The following MAN2A1 variants were observed in gnomAD, a reference collection of about 807,000 sequenced individuals.
MAN2A1 encodes alpha-mannosidase 2.
A neutral mutation model predicts 142.6 loss-of-function variants in MAN2A1; 76 were observed. The observed-to-expected ratio is 0.53, with a 90% CI of 0.44 to 0.65. The LOEUF is 0.65. Ranked by LOEUF, MAN2A1 falls within the 30% of genes least tolerant of loss-of-function variation. MAN2A1 has a pLI of 0.00. For missense variants in MAN2A1, 1,311 were observed against 1,365.1 expected (o/e 0.96, Z 0.62); for synonymous variants, 559 against 473.2 (o/e 1.18, Z -2.35).
chr5:109,789,996 T>G (rs1188469360), intron 12 of MAN2A1, among the ~76,000 whole-genome samples: 2 of 151,918 alleles, frequency 1.3e-5, no homozygotes. Flanking sequence ...GTTTTAGCAC[T>G]ATTGATTTAT....
chr5:109,768,818 A>G (rs1384646787), intron 6 of MAN2A1, among the ~76,000 whole-genome samples: 1 of 152,216 alleles, frequency 6.6e-6, no homozygotes, highest in African/African-American at 2.4e-5. Flanking sequence ...GTTTGATCAA[A>G]TGCTAAGGAG....
chr5:109,788,728 G>A (rs1239615843), intron 10 of MAN2A1, among the ~76,000 whole-genome samples: 5 of 151,582 alleles, frequency 3.3e-5, no homozygotes, highest in African/African-American at 7.3e-5. Context: ...GAAAGCTTTC[G>A]GTTTTAAATG....
intron 4 of MAN2A1, among the ~76,000 whole-genome samples, chr5:109,751,423 C>T (rs1412695707): frequency 6.6e-6 from 1 of 151,914 alleles, no homozygotes; most frequent in Non-Finnish European, 1.5e-5. Context: ...AGGTTGATTC[C>T]GATCTTTGGT....
intron 8 of MAN2A1, among the ~76,000 whole-genome samples, chr5:109,778,220 T>G (rs557379870): frequency 4.6e-5 from 7 of 152,138 alleles, no homozygotes; most frequent in Admixed American, 1.3e-4. Flanking sequence ...CAATTGATTT[T>G]TGCATTTTAG....
At chr5:109,711,175 G>T (rs1279235256) in intron 1 of MAN2A1, among the ~76,000 whole-genome samples, 4 of 152,146 alleles carry the variant, frequency 2.6e-5, no homozygotes, top group African/African-American at 7.2e-5. Flanking sequence ...TTAGATTAAG[G>T]TAATGTTTTA....
At chr5:109,780,094 G>T (rs1463989024) in intron 8 of MAN2A1, among the ~76,000 whole-genome samples, 1 of 152,080 alleles carries the variant, frequency 6.6e-6, no homozygotes, top group East Asian at 1.9e-4. Context: ...GTCTCGCTCT[G>T]TCACCCAGGC....
At chr5:109,805,014 C>T (rs1161236088) in intron 12 of MAN2A1, among the ~76,000 whole-genome samples, 1 of 152,046 alleles carries the variant, frequency 6.6e-6, no homozygotes, top group African/African-American at 2.4e-5. Context: ...AACATCATTC[C>T]TTATGCAGTC....
At chr5:109,840,600 G>A in intron 16 of MAN2A1, 1 of 488,968 alleles carries the variant, frequency 2.0e-6, no homozygotes, top group South Asian at 1.5e-5. Context: ...GCCATCTTCT[G>A]CCTTTTCTGA....
intron 3 of MAN2A1, among the ~76,000 whole-genome samples, chr5:109,723,594 A>G (rs1388865197): frequency 2.0e-5 from 3 of 152,176 alleles, no homozygotes; most frequent in African/African-American, 7.2e-5. Flanking sequence ...TTTAGTCTTC[A>G]CACTCTTAGT....
intron 8 of MAN2A1, among the ~76,000 whole-genome samples, chr5:109,779,734 A>T (rs185846405): frequency 6.6e-6 from 1 of 152,162 alleles, no homozygotes; most frequent in Non-Finnish European, 1.5e-5. Flanking sequence ...GGTAGGTCCT[A>T]TGATTGTTCC....
rs771294697 is a variant in MAN2A1 at position 109,836,296 on chromosome 5, T to TA, written c.2567-6031dup. Among the ~76,000 whole-genome samples, 27 of 151,350 alleles carry TA rather than the reference T, an allele frequency of 1.8e-4. 1 individual carries two copies. The highest frequency in any genetic ancestry group is 3.4e-4 in the African/African-American group (14 of 41,144). On this transcript the variant is annotated intron_variant, in intron 16 of 21. Transcript: ENST00000261483. ...GGCTAATTTTTGTGGGGTTTTTTTT[T>TA]AGTAAAGACAGTGTTTCGCTATGTT...
Position 109,774,921 on chromosome 5 carries a change from C to G in MAN2A1, c.1330C>G (p.Gln444Glu). ...EWDLQFKNYQQLFDYMNSQSK... is the reference protein window; with the variant it reads ...EWDLQFKNYQELFDYMNSQSK... ...GGATTTACAGTTTAAGAATTATCAG[C>G]AGCTTTTTGATTATATGAATTCTCA... The change falls in exon 8 of 22, where the codon CAG becomes GAG. Residue 444 changes from glutamine to glutamate, a missense_variant. Gln to Glu is a conservative substitution (Grantham distance 29, BLOSUM62 2). This residue lies in a region of MAN2A1 where 890 missense variants were observed against 920.5 expected (regional missense o/e 0.97). Transcript: ENST00000261483. 2 of 1,610,494 alleles carry G rather than the reference C, an allele frequency of 1.2e-6. No individual in the cohort carries two copies. Among genetic ancestry groups the G allele is most frequent in the South Asian group, 1.1e-5 (1 of 90,582 alleles).
At chr5:109,710,619 G>A (rs754336571) in intron 1 of MAN2A1, among the ~76,000 whole-genome samples, 7 of 151,836 alleles carry the variant, frequency 4.6e-5, no homozygotes, top group Admixed American at 2.0e-4. Flanking sequence ...ATTCTTCTGC[G>A]TCAGCCTTCC....
chr5:109,864,780 T>A (rs1260392692), intron 20 of MAN2A1: 3 of 424,550 alleles, frequency 7.1e-6, no homozygotes, highest in Non-Finnish European at 8.5e-6. Flanking sequence ...TCCTCGGGGA[T>A]TATAGGGGAA....
intron 8 of MAN2A1, among the ~76,000 whole-genome samples, chr5:109,781,081 A>G (rs1345987981): frequency 3.3e-5 from 5 of 152,148 alleles, no homozygotes. Flanking sequence ...ATCCATGCCC[A>G]AATCATTGTA....
chr5:109,767,675 A>G lies in MAN2A1; in HGVS notation c.976A>G (p.Lys326Glu). 1 of 1,613,272 alleles carries G rather than the reference A, an allele frequency of 6.2e-7. No homozygotes were observed. The highest frequency in any genetic ancestry group is 8.5e-7 in the Non-Finnish European group (1 of 1,179,632). The part of the protein sequence containing the change: ...YAVKKHFALH[K>E]TLEFFWRQNW... ...AGTTAAAAAACACTTTGCACTGCAT[A>G]AAACATTGGAGTTTTTTTGGAGACA... The change falls in exon 6 of 22, where the codon AAA (lysine) becomes GAA (glutamate). Residue 326 changes from lysine to glutamate, a missense_variant. Lys to Glu is a moderately conservative substitution (Grantham distance 56, BLOSUM62 1). Around this residue, in one of 3 missense-constraint regions of MAN2A1, gnomAD observed 409 missense variants for 412.7 expected, o/e 0.99. Transcript: ENST00000261483.
intron 16 of MAN2A1, 65 bp from the exon 17 acceptor site, chr5:109,842,263 A>G (rs1459304385): frequency 9.4e-7 from 1 of 1,058,592 alleles, no homozygotes; most frequent in African/African-American, 1.6e-5. Flanking sequence ...TCTGTATAGT[A>G]TATTTCAAAA....
chr5:109,767,431 A>G, intron 5 of MAN2A1, 104 bp from the exon 6 acceptor site: 1 of 871,704 alleles, frequency 1.1e-6, no homozygotes, highest in South Asian at 1.9e-5. Flanking sequence ...TTGGTCTGAT[A>G]TCTCTAGGAG....
At chr5:109,795,107 G>A (rs955184580) in intron 12 of MAN2A1, among the ~76,000 whole-genome samples, 1 of 152,136 alleles carries the variant, frequency 6.6e-6, no homozygotes, top group African/African-American at 2.4e-5. Context: ...TTGACTAGTG[G>A]TTGGTACTAG....
Sources: allele counts gnomAD v4.1 joint callset (sites outside exome capture counted in the v4.1 genomes callset), GRCh38; gene constraint gnomAD v4.1.1; regional missense constraint gnomAD v4.1.1; transcripts MANE v1.5; gene names NCBI Gene and HGNC (gene_info 2026-07-23, HGNC 2026-07-21).